Variants in ADAMTS19 observed in about 807,000 individuals in gnomAD.
ADAMTS19 encodes the protein ADAM metallopeptidase with thrombospondin type 1 motif 19.
Under a neutral mutation model 153.3 loss-of-function variants are expected in ADAMTS19, and 93 were observed. The ratio of observed to expected loss-of-function variants is 0.61; its 90% CI spans 0.51 to 0.72. ADAMTS19 has a LOEUF of 0.72. ADAMTS19 is among the 30% of genes least tolerant of loss of function. The probability of loss-of-function intolerance (pLI) is 0.00; values close to 1 mark genes in which losing one functional copy is unlikely to be tolerated. For missense variants in ADAMTS19, 1,482 were observed against 1,552.1 expected, an observed-to-expected ratio of 0.95 and a Z score of 0.76; for synonymous variants, 600 against 556.6, an observed-to-expected ratio of 1.08 and a Z score of -1.10.
chr5:129,514,611 A>G (rs1246878896), intron 3 of ADAMTS19, among the ~76,000 whole-genome samples: 1 of 151,806 alleles, frequency 6.6e-6, no homozygotes, highest in African/African-American at 2.4e-5. Flanking sequence ...CTATTCAAAT[A>G]TTTTGCCTAT....
At chr5:129,527,091 G>T (rs1173015159) in intron 4 of ADAMTS19, among the ~76,000 whole-genome samples, 1 of 151,770 alleles carries the variant, frequency 6.6e-6, no homozygotes, top group Non-Finnish European at 1.5e-5. Context: ...TGGAGTTGAT[G>T]ATTTCTGATT....
At chr5:129,705,799 G>T (rs935536562) in intron 21 of ADAMTS19, among the ~76,000 whole-genome samples, 1 of 152,186 alleles carries the variant, frequency 6.6e-6, no homozygotes, top group Non-Finnish European at 1.5e-5. Flanking sequence ...ACAGTGGCTT[G>T]GAAGTCAAGA....
chr5:129,658,351 A>AAGAAAGAAAGAGAGAGAGAG (rs1561632431), intron 14 of ADAMTS19, among the ~76,000 whole-genome samples: 17 of 133,226 alleles, frequency 1.3e-4, no homozygotes, highest in Admixed American at 2.9e-4. Flanking sequence ...GAAAGAAAGA[A>AAGAAAGAAAGAGAGAGAGAG]AGAAAGAAAG....
At chr5:129,481,981 T>G (rs1218478641) in intron 2 of ADAMTS19, among the ~76,000 whole-genome samples, 3 of 152,112 alleles carry the variant, frequency 2.0e-5, no homozygotes, top group Non-Finnish European at 4.4e-5. Context: ...CTGAGCTCCT[T>G]CCCTCACTCT....
Position 129,635,537 on chromosome 5 carries a change from A to T in ADAMTS19, c.1771-6322A>T, listed in dbSNP as rs546555253. Among the ~76,000 whole-genome samples, 12 of 152,372 alleles carry T rather than the reference A, an allele frequency of 7.9e-5. No homozygotes were observed. In the East Asian group the frequency reaches 2.1e-3, roughly 27 times the overall value. ...TCATCAGTGATAGACTGGATAAAGA[A>T]AATGTGGAACATATACATCATGGAA... On this transcript the variant is annotated intron_variant, in intron 10 of 22. Coordinates refer to ENST00000274487, the MANE Select transcript of ADAMTS19 (RefSeq NM_133638.6).
intron 7 of ADAMTS19, among the ~76,000 whole-genome samples, chr5:129,552,964 C>T (rs1195186730): frequency 1.3e-5 from 2 of 151,952 alleles, no homozygotes; most frequent in Non-Finnish European, 2.9e-5. Flanking sequence ...AGCTGGGCAC[C>T]TAAGGAAAAG....
chr5:129,664,910 C>G (rs776146870), intron 15 of ADAMTS19, among the ~76,000 whole-genome samples: 1 of 152,090 alleles, frequency 6.6e-6, no homozygotes, highest in Admixed American at 6.6e-5. Flanking sequence ...CTAATCATGT[C>G]TTGGGTCTAG....
At chr5:129,532,867 G>C (rs1752260288) in intron 6 of ADAMTS19, among the ~76,000 whole-genome samples, 1 of 152,116 alleles carries the variant, frequency 6.6e-6, no homozygotes. Flanking sequence ...GGGAGGCCTA[G>C]GCAGGCAGGC....
In ADAMTS19 at chr5:129,684,157, A is replaced by G; in HGVS notation, c.2702A>G (p.Tyr901Cys). ...LFQDQNYGLH[Y>C]EYTIPSDPLP... ...CAGGATCAGAATTATGGTCTTCACT[A>G]TGAATACACTATCCCATCAGACCCT... The change falls in exon 18 of 23, where the codon TAT becomes TGT. Residue 901 changes from tyrosine (Y) to cysteine (C), a missense_variant. Tyr to Cys is a radical substitution (Grantham distance 194). Coordinates refer to ENST00000274487, the MANE Select transcript of ADAMTS19 (RefSeq NM_133638.6). 2 of 1,614,098 alleles carry G rather than the reference A, an allele frequency of 1.2e-6. No individual in the cohort carries two copies. Among genetic ancestry groups the G allele is most frequent in the Non-Finnish European group, 1.7e-6 (2 of 1,180,016 alleles).
intron 16 of ADAMTS19, among the ~76,000 whole-genome samples, chr5:129,674,222 A>G (rs1754446564): frequency 1.2e-5 from 1 of 85,988 alleles, no homozygotes; most frequent in Non-Finnish European, 2.9e-5. Flanking sequence ...CAAGAGCGAA[A>G]CTCCATCTCA....
chr5:129,691,426 T>A (rs983077080), intron 18 of ADAMTS19, among the ~76,000 whole-genome samples: 12 of 152,162 alleles, frequency 7.9e-5, no homozygotes, highest in Non-Finnish European at 1.5e-4. Context: ...TTTCTGTTTG[T>A]CCCTATGTGC....
chr5:129,579,802 T>C (rs1008789715), intron 7 of ADAMTS19, among the ~76,000 whole-genome samples: 1 of 151,956 alleles, frequency 6.6e-6, no homozygotes, highest in Non-Finnish European at 1.5e-5. Flanking sequence ...TATATATCTG[T>C]TTTTTTACCA....
chr5:129,548,335 AAAC>A (rs1188301634), intron 6 of ADAMTS19, among the ~76,000 whole-genome samples: 2 of 149,352 alleles, frequency 1.3e-5, no homozygotes, highest in African/African-American at 5.1e-5. Flanking sequence ...ACAAAAAAAA[AAAC>A]AAACAACCCC....
chr5:129,706,620 C>T (rs1037956962), intron 21 of ADAMTS19, among the ~76,000 whole-genome samples: 1 of 150,456 alleles, frequency 6.6e-6, no homozygotes, highest in Non-Finnish European at 1.5e-5. Flanking sequence ...CTCCAACTAA[C>T]TATAAAATAC....
intron 10 of ADAMTS19, among the ~76,000 whole-genome samples, chr5:129,639,620 A>C (rs1752706143): frequency 6.6e-6 from 1 of 152,204 alleles, no homozygotes; most frequent in South Asian, 2.1e-4. Context: ...TAGACCACCA[A>C]CAACGTTCAA....
At chr5:129,482,685 C>A (rs974716857) in intron 2 of ADAMTS19, among the ~76,000 whole-genome samples, 5 of 152,134 alleles carry the variant, frequency 3.3e-5, no homozygotes, top group Non-Finnish European at 7.3e-5. Flanking sequence ...TTATAACAAG[C>A]AAGACCTGTC....
rs373525603 is a variant in ADAMTS19 at position 129,502,423 on chromosome 5, T to A, written c.748-6654T>A. ...CTACACTCTAGGCCTGACATTCACA[T>A]TAACTCTCTGTATAATTTTAGGCAA... is the stretch of plus-strand genomic sequence containing the variant. On this transcript the variant is annotated intron_variant, in intron 2 of 22. Transcript: ENST00000274487. 2.6e-3 allele frequency among the ~76,000 whole-genome samples: 394 copies of A among 152,288 alleles called. 2 individuals are homozygous for A. Among genetic ancestry groups the A allele is most frequent in the African/African-American group, 9.0e-3 (375 of 41,564 alleles).
intron 16 of ADAMTS19, among the ~76,000 whole-genome samples, chr5:129,667,376 T>A (rs1323477462): frequency 2.0e-5 from 3 of 152,182 alleles, no homozygotes; most frequent in Non-Finnish European, 4.4e-5. Context: ...GTTTCATAGG[T>A]ACCTCAGAAA....
intron 15 of ADAMTS19, among the ~76,000 whole-genome samples, chr5:129,661,616 C>T (rs1228326836): frequency 6.6e-6 from 1 of 152,122 alleles, no homozygotes; most frequent in East Asian, 1.9e-4. Flanking sequence ...CTTGTTGGAG[C>T]TGGAAAATAA....
Sources: allele counts gnomAD v4.1 joint callset (sites outside exome capture counted in the v4.1 genomes callset), GRCh38; gene constraint gnomAD v4.1.1; transcripts MANE v1.5; gene names NCBI Gene and HGNC (gene_info 2026-07-23, HGNC 2026-07-21).